Variants in CTTNBP2NL observed in about 807,000 individuals in gnomAD.
The protein encoded by CTTNBP2NL is CTTNBP2 N-terminal like, also known as CTTNBP2 N-terminal-like protein.
Under a neutral mutation model 32.5 loss-of-function variants are expected in CTTNBP2NL, and 16 were observed. That is an observed-to-expected ratio of 0.49 (90% CI 0.33 to 0.75). The LOEUF (loss-of-function observed/expected upper bound fraction) is 0.75, where lower values mean the gene tolerates loss of function less well. CTTNBP2NL is among the 30% of genes least tolerant of loss of function. CTTNBP2NL has a pLI of 0.02. For synonymous variants in CTTNBP2NL, 298 were observed against 289.4 expected (o/e 1.03, Z -0.30); for missense variants, 645 against 756.0 (o/e 0.85, Z 1.72).
At chr1:112,419,956 A>AT (rs1649177023) in intron 3 of CTTNBP2NL, among the ~76,000 whole-genome samples, 1 of 152,206 alleles carries the variant, frequency 6.6e-6, no homozygotes, top group Non-Finnish European at 1.5e-5. Flanking sequence ...AACATAAGCT[A>AT]TAACTGACAG....
intron 5 of CTTNBP2NL, among the ~76,000 whole-genome samples, chr1:112,455,052 T>C (rs1211379678): frequency 6.6e-6 from 1 of 152,220 alleles, no homozygotes; most frequent in African/African-American, 2.4e-5. Flanking sequence ...GTTTATATAT[T>C]TTTTTAAAAT....
chr1:112,424,287 C>T (rs1290515658), intron 3 of CTTNBP2NL, among the ~76,000 whole-genome samples: 1 of 152,016 alleles, frequency 6.6e-6, no homozygotes, highest in African/African-American at 2.4e-5. Flanking sequence ...TTGAGATTAT[C>T]CTTCCTCTTT....
chr1:112,393,485 T>C (rs116547322), upstream of CTTNBP2NL, among the ~76,000 whole-genome samples: 1,895 of 152,364 alleles, frequency 0.012, 51 homozygotes, highest in African/African-American at 0.043. Flanking sequence ...TTATATTTTG[T>C]TATACAAATC....
chr1:112,400,388 C>A (rs573303409), intron 1 of CTTNBP2NL, among the ~76,000 whole-genome samples: 1 of 152,038 alleles, frequency 6.6e-6, no homozygotes, highest in South Asian at 2.1e-4. Context: ...AGGCCAGGTG[C>A]GGAGGCTCAC....
intron 1 of CTTNBP2NL, among the ~76,000 whole-genome samples, chr1:112,410,015 A>G (rs1485945066): frequency 6.6e-6 from 1 of 152,214 alleles, no homozygotes; most frequent in Non-Finnish European, 1.5e-5. Context: ...CTATTGGGCT[A>G]AGATTTCATG....
At chr1:112,443,733 T>A (rs1570740866) in intron 3 of CTTNBP2NL, among the ~76,000 whole-genome samples, 1 of 152,346 alleles carries the variant, frequency 6.6e-6, no homozygotes, top group East Asian at 1.9e-4. Flanking sequence ...AAAGTTTAAT[T>A]TAAATGAGGC....
At chr1:112,411,406 A>C (rs1032304816) in intron 1 of CTTNBP2NL, among the ~76,000 whole-genome samples, 9 of 152,252 alleles carry the variant, frequency 5.9e-5, no homozygotes, top group African/African-American at 2.2e-4. Context: ...TAAACAAAAA[A>C]TTACATATAA....
intron 1 of CTTNBP2NL, among the ~76,000 whole-genome samples, chr1:112,408,220 ATTTTTT>A (rs397981257): frequency 2.9e-5 from 3 of 103,760 alleles, no homozygotes; most frequent in Non-Finnish European, 5.6e-5. Flanking sequence ...TTTTTTTTTA[ATTTTTT>A]TTTTTTTTTT....
At chr1:112,422,481 G>A (rs1173123438) in intron 3 of CTTNBP2NL, among the ~76,000 whole-genome samples, 1 of 152,136 alleles carries the variant, frequency 6.6e-6, no homozygotes, top group Non-Finnish European at 1.5e-5. Flanking sequence ...GTGGATATAT[G>A]CTTTTATTTC....
In CTTNBP2NL at chr1:112,444,068, A is replaced by G. The variant is rs558026623; in HGVS notation, c.100-4874A>G. On this transcript the variant is annotated intron_variant, in intron 3 of 5. Coordinates refer to ENST00000271277, the MANE Select transcript of CTTNBP2NL (RefSeq NM_018704.3). ...TTCTTTGAAGACCTATGATGTTCAC[A>G]TTGCTGATTACTTTTTAAAATATCA... Among the ~76,000 whole-genome samples the G allele has an allele frequency of 3.6e-4, 55 of 152,344 alleles. 1 individual carries two copies. The highest frequency in any genetic ancestry group is 6.2e-4 in the South Asian group (3 of 4,830).
chr1:112,439,269 T>C (rs1217081324), intron 3 of CTTNBP2NL, among the ~76,000 whole-genome samples: 2 of 152,134 alleles, frequency 1.3e-5, no homozygotes, highest in Non-Finnish European at 2.9e-5. Flanking sequence ...ACACCCCACC[T>C]CCACTTCCCC....
chr1:112,442,049 A>G (rs1649905116), intron 3 of CTTNBP2NL, among the ~76,000 whole-genome samples: 1 of 152,246 alleles, frequency 6.6e-6, no homozygotes. Context: ...GGCAGGGGAT[A>G]TATGAGAGAT....
chr1:112,400,191 C>T (rs554482362), intron 1 of CTTNBP2NL, among the ~76,000 whole-genome samples: 1 of 152,278 alleles, frequency 6.6e-6, no homozygotes, highest in South Asian at 2.1e-4. Flanking sequence ...TATCATGAGC[C>T]TGGAGAATGT....
At chr1:112,397,691 C>A (rs541107593) in intron 1 of CTTNBP2NL, among the ~76,000 whole-genome samples, 8 of 152,242 alleles carry the variant, frequency 5.3e-5, no homozygotes, top group Non-Finnish European at 1.2e-4. Context: ...CAGTAATCAT[C>A]TATTGCTAGC....
At chr1:112,401,250 T>C (rs1223154003) in intron 1 of CTTNBP2NL, among the ~76,000 whole-genome samples, 1 of 152,202 alleles carries the variant, frequency 6.6e-6, no homozygotes, top group African/African-American at 2.4e-5. Context: ...CAAAGCTTGT[T>C]TGCATATGTC....
intron 5 of CTTNBP2NL, among the ~76,000 whole-genome samples, chr1:112,455,228 G>A (rs1650327856): frequency 6.6e-6 from 1 of 152,238 alleles, no homozygotes; most frequent in Non-Finnish European, 1.5e-5. Context: ...GATTCAGGCT[G>A]GGCACAGTGG....
At chr1:112,427,649 A>T (rs1649440111) in intron 3 of CTTNBP2NL, among the ~76,000 whole-genome samples, 1 of 152,230 alleles carries the variant, frequency 6.6e-6, no homozygotes, top group Non-Finnish European at 1.5e-5. Context: ...TAATCCCAGC[A>T]CTTTGGGAGG....
rs1251261944 is a variant in CTTNBP2NL, at chr1:112,459,275, A to T, written c.*1863A>T. ...TAGGCCAGTACAGCTGGCAAGGTTCATAGAATATAATGGCTATCCCCCTCT... is the reference window on the plus strand; with the variant it reads ...TAGGCCAGTACAGCTGGCAAGGTTCTTAGAATATAATGGCTATCCCCCTCT... On this transcript the variant is annotated 3_prime_UTR_variant, in exon 6 of 6. Transcript: ENST00000271277. 1.3e-5 allele frequency: 2 copies of T among 152,176 alleles called. No individual in the cohort carries two copies. Among genetic ancestry groups the T allele is most frequent in the Non-Finnish European group, 2.9e-5 (2 of 68,034 alleles). The allele number at this position is 152,176 out of a possible 1,614,324, so 9.4% of individuals were successfully genotyped here.
intron 5 of CTTNBP2NL, among the ~76,000 whole-genome samples, chr1:112,455,371 G>A (rs1650332695): frequency 1.3e-5 from 2 of 152,194 alleles, no homozygotes; most frequent in South Asian, 4.2e-4. Context: ...CGGGTGTGGT[G>A]GCGCATGACT....
Sources: allele counts gnomAD v4.1 joint callset (sites outside exome capture counted in the v4.1 genomes callset), GRCh38; gene constraint gnomAD v4.1.1; transcripts MANE v1.5; gene names NCBI Gene and HGNC (gene_info 2026-07-23, HGNC 2026-07-21).